Variants in SLC35E2B observed in about 807,000 individuals in gnomAD.
SLC35E2B encodes solute carrier family 35, member E2B.
In SLC35E2B, 18 loss-of-function variants were observed where a neutral mutation model predicts 32.4. The observed-to-expected ratio is 0.56, with a 90% CI of 0.38 to 0.82. The LOEUF is 0.82. Among genes scored for constraint, SLC35E2B ranks in the 40% least tolerant of loss-of-function variants. SLC35E2B has a pLI of 0.00. For synonymous variants in SLC35E2B, 132 were observed against 209.1 expected (o/e 0.63, Z 3.18); for missense variants, 263 against 469.5 (o/e 0.56, Z 4.06).
At position 1,682,038 on chromosome 1, in the gene SLC35E2B, A is replaced by G. The variant is rs1297443142; in HGVS notation, c.-147-5192T>C. 7.1e-4 allele frequency among the ~76,000 whole-genome samples: 84 copies of G among 118,590 alleles called. 1 individual carries two copies. The highest frequency in any genetic ancestry group is 8.5e-4 in the Non-Finnish European group (49 of 57,514). The allele number at this position is 118,590 out of a possible 152,430, so 77.8% of individuals were successfully genotyped here. On this transcript the variant is annotated intron_variant, in intron 2 of 9. Coordinates refer to ENST00000617444, the MANE Select transcript of SLC35E2B (RefSeq NM_001290264.2). The stretch of plus-strand genomic sequence containing the variant: ...AAAAAAAAAAAAAAAAAAAAAAAAA[A>G]AAGAAGAGACAGGGTTTCACCATGT...
intron 6 of SLC35E2B, chr1:1,670,860 G>T (rs1214051186): frequency 6.6e-6 from 1 of 152,178 alleles, no homozygotes; most frequent in Non-Finnish European, 1.5e-5. Context: ...CCTAGAAGCC[G>T]GTCATTCTCA....
In SLC35E2B at chr1:1,663,373, G is replaced by A. The variant is rs1643456714; in HGVS notation, c.*2409C>T. 5 of 959,122 alleles carry A rather than the reference G, an allele frequency of 5.2e-6. 1 individual carries two copies. Among genetic ancestry groups the A allele is most frequent in the Middle Eastern group, 1.1e-3 (2 of 1,888 alleles). 59.4% of individuals were successfully genotyped at this position (959,122 alleles called of 1,614,324 possible). A position where few individuals can be genotyped will look rare whatever the true frequency, so the allele number is the denominator to read the frequency against. On this transcript the variant is annotated 3_prime_UTR_variant, in exon 10 of 10. Coordinates refer to ENST00000617444, the MANE Select transcript of SLC35E2B (RefSeq NM_001290264.2). ...ACCACAATCTTCAAAGAGGCCGGCA[G>A]CCACATTCTCGACGGGGAGGTGGAC...
intron 5 of SLC35E2B, chr1:1,673,206 T>C (rs868499053): frequency 1.9e-5 from 7 of 359,458 alleles, no homozygotes; most frequent in South Asian, 2.1e-5. Context: ...CCCATCTCTA[T>C]AGAAAACACA....
At chr1:1,679,233 A>C (rs1170338360) in intron 2 of SLC35E2B, among the ~76,000 whole-genome samples, 3 of 152,290 alleles carry the variant, frequency 2.0e-5, no homozygotes, top group Non-Finnish European at 2.9e-5. Flanking sequence ...TGTGCAGACG[A>C]CGCCAGTCAC....
At chr1:1,672,822 G>A (rs1643732920) in intron 5 of SLC35E2B, 4 of 152,716 alleles carry the variant, frequency 2.6e-5, no homozygotes, top group Non-Finnish European at 5.8e-5. Flanking sequence ...GGCTGCCAGA[G>A]GCACCGGAAG....
chr1:1,671,758 C>T, intron 5 of SLC35E2B, 129 bp from the exon 6 acceptor site: 1 of 1,008,366 alleles, frequency 9.9e-7, no homozygotes. Context: ...CAATACTTGT[C>T]AGTTTCTTCA....
chr1:1,677,573 G>A (rs953463508), intron 2 of SLC35E2B, among the ~76,000 whole-genome samples: 1 of 151,348 alleles, frequency 6.6e-6, no homozygotes, highest in Non-Finnish European at 1.5e-5. Flanking sequence ...CGCCTCCCGG[G>A]TTCTCGCCAT....
At chr1:1,688,698 A>C (rs1038583998) in intron 2 of SLC35E2B, among the ~76,000 whole-genome samples, 1 of 151,656 alleles carries the variant, frequency 6.6e-6, no homozygotes, top group African/African-American at 2.4e-5. Context: ...CTATGCACGC[A>C]CAAAGCATGT....
chr1:1,671,706 C>T (rs1643697242), intron 5 of SLC35E2B, 77 bp from the exon 6 acceptor site: 2 of 1,370,668 alleles, frequency 1.5e-6, no homozygotes, highest in Admixed American at 6.5e-5. Context: ...CTGTTTCCAT[C>T]CCCTCTTATG....
At chr1:1,688,323 A>T (rs1271690757) in intron 2 of SLC35E2B, among the ~76,000 whole-genome samples, 4 of 151,978 alleles carry the variant, frequency 2.6e-5, no homozygotes, top group Non-Finnish European at 4.4e-5. Context: ...AAGCTTAGAA[A>T]CGGCCGGGCG....
Position 1,671,622 on chromosome 1 carries a change from C to T in SLC35E2B, c.594G>A (p.Leu198=). The part of the protein sequence containing the change: ...RMILGEYTGL[L]VNLSLIPVMG... ...TGACTGGGATGAGGGAGAGGTTGACCAGCAGCCCTGGCGAGAGGACAGCCC... is the reference window on the plus strand; with the variant it reads ...TGACTGGGATGAGGGAGAGGTTGACTAGCAGCCCTGGCGAGAGGACAGCCC... Residue 198 remains leucine (L), a synonymous_variant, in exon 6 of 10, where the codon CTG becomes CTA. Transcript: ENST00000617444. The T allele has an allele frequency of 6.5e-7, 1 of 1,544,160 alleles. No individual in the cohort carries two copies. The highest frequency in any genetic ancestry group is 1.2e-5 in the South Asian group (1 of 82,788).
intron 2 of SLC35E2B, among the ~76,000 whole-genome samples, chr1:1,679,100 A>G (rs6697550): frequency 0.48 from 72,681 of 152,058 alleles, 19,057 homozygotes; most frequent in African/African-American, 0.68. Context: ...ACGCTGTCAC[A>G]GCACCCGCTA....
In SLC35E2B at chr1:1,667,215, G is replaced by A. The variant is rs555101075; in HGVS notation, c.980+1112C>T. On this transcript the variant is annotated intron_variant, in intron 9 of 9. Coordinates refer to ENST00000617444, the MANE Select transcript of SLC35E2B (RefSeq NM_001290264.2). ...AGGTCAGGAGATCGAGACCATCCTG[G>A]CTAACACGGTGAAACCCTGTCTCTA... 5.0e-3 allele frequency among the ~76,000 whole-genome samples: 732 copies of A among 147,780 alleles called. 5 individuals carry two copies. Among genetic ancestry groups the A allele is most frequent in the African/African-American group, 0.017 (685 of 39,784 alleles).
rs566058136 is a variant in SLC35E2B, at chr1:1,669,720, A to C, written c.778T>G (p.Phe260Val). ...GCCACCGCAGCGGCGCTGGTGTAGAACTGCAGCTCCGGGGCCCTGTGGGTG... is the reference window on the plus strand; with the variant it reads ...GCCACCGCAGCGGCGCTGGTGTAGACCTGCAGCTCCGGGGCCCTGTGGGTG... The part of the protein sequence containing the change: ...KYRFSAPELQ[F>V]YTSAAAVAML... The change falls in exon 8 of 10, where the codon TTC becomes GTC. Residue 260 changes from phenylalanine (F) to valine (V), a missense_variant. Coordinates refer to ENST00000617444, the MANE Select transcript of SLC35E2B (RefSeq NM_001290264.2). 29 of 1,546,012 alleles carry C rather than the reference A, an allele frequency of 1.9e-5. 1 individual carries two copies. The South Asian group carries it at 3.2e-4, about 17-fold the overall frequency.
intron 5 of SLC35E2B, 29 bp from the exon 6 acceptor site, chr1:1,671,658 C>T: frequency 6.7e-7 from 1 of 1,497,690 alleles, no homozygotes; most frequent in Non-Finnish European, 9.0e-7. Flanking sequence ...CTGTGAGTGG[C>T]TGACCCGCCG....
intron 2 of SLC35E2B, among the ~76,000 whole-genome samples, chr1:1,683,339 G>A (rs896169533): frequency 1.5e-4 from 23 of 152,182 alleles, no homozygotes; most frequent in Non-Finnish European, 3.4e-4. Context: ...CCTGTGGGCC[G>A]TGCTTCTGAC....
Position 1,678,418 on chromosome 1 carries a change from C to T in SLC35E2B, c.-147-1572G>A, listed in dbSNP as rs185818755. Among the ~76,000 whole-genome samples, 63 of 152,170 alleles carry T rather than the reference C, an allele frequency of 4.1e-4. 1 individual carries two copies. The East Asian group carries it at 0.011, about 27-fold the overall frequency. ...GCTTCTGCCCTCTCCCCAGTGGCGGCAATGCCAGGGCCTCTGCAGCCTTCC... is the reference window on the plus strand; with the variant it reads ...GCTTCTGCCCTCTCCCCAGTGGCGGTAATGCCAGGGCCTCTGCAGCCTTCC... On this transcript the variant is annotated intron_variant, in intron 2 of 9. Coordinates refer to ENST00000617444, the MANE Select transcript of SLC35E2B (RefSeq NM_001290264.2).
chr1:1,672,452 C>T (rs544466716), intron 5 of SLC35E2B: 1 of 152,246 alleles, frequency 6.6e-6, no homozygotes, highest in East Asian at 1.9e-4. Flanking sequence ...TGCGGGGAGG[C>T]TCCAGCCAGA....
At position 1,663,074 on chromosome 1, in the gene SLC35E2B, G is replaced by A. The variant is rs1302621769; in HGVS notation, c.*2708C>T. ...TGGAGAGGAGACTGAGGGAGAGGGA[G>A]GGGACAGCACGACTGAGCAAGGGCA... On this transcript the variant is annotated 3_prime_UTR_variant, in exon 10 of 10. Transcript: ENST00000617444. 1.0e-6 allele frequency: 1 copy of A among 957,290 alleles called. No homozygotes were observed. The highest frequency in any genetic ancestry group is 1.2e-6 in the Non-Finnish European group (1 of 804,822). The allele number at this position is 957,290 out of a possible 1,614,324, so 59.3% of individuals were successfully genotyped here.
Sources: gnomAD v4.1 joint callset for allele counts (sites outside exome capture counted in the v4.1 genomes callset) on GRCh38, gnomAD v4.1.1 for gene constraint, MANE v1.5 for transcripts, NCBI Gene and HGNC (gene_info 2026-07-23, HGNC 2026-07-21) for gene names.